ULK4: variants seen among roughly 807,000 people sequenced by gnomAD.
ULK4 encodes the protein unc-51 like kinase 4, also known as inactive serine/threonine-protein kinase ULK4.
ULK4 carries 133 observed loss-of-function variants against 160.6 expected under a neutral mutation model. That is an observed-to-expected ratio of 0.83 (90% confidence interval 0.72 to 0.96). The LOEUF is 0.96. Among genes scored for constraint, ULK4 ranks in the 40% least tolerant of loss-of-function variants. ULK4 has a pLI of 0.00. For missense variants in ULK4, 1,580 were observed against 1,499.5 expected, an observed-to-expected ratio of 1.05 and a Z score of -0.89; for synonymous variants, 534 against 539.8, an observed-to-expected ratio of 0.99 and a Z score of 0.15.
In ULK4 at chr3:41,330,561, C is replaced by T. The variant is rs73831317; in HGVS notation, c.3678+67518G>A. Among the ~76,000 whole-genome samples, 834 of 152,292 alleles carry T rather than the reference C, an allele frequency of 5.5e-3. 13 individuals carry two copies. Among genetic ancestry groups the T allele is most frequent in the African/African-American group, 0.019 (792 of 41,566 alleles). On this transcript the variant is annotated intron_variant, in intron 35 of 36. Transcript: ENST00000301831. Reference sequence around the variant, plus strand: ...TGACGCTGTAAGAAGCTGTACATCACCCTGGTGAGGGGTGACTGGTTAGTC... The same window carrying T: ...TGACGCTGTAAGAAGCTGTACATCATCCTGGTGAGGGGTGACTGGTTAGTC...
chr3:41,825,325 G>A (rs1023612400), intron 18 of ULK4, among the ~76,000 whole-genome samples: 18 of 152,322 alleles, frequency 1.2e-4, no homozygotes, highest in African/African-American at 3.4e-4. Context: ...TGCCTTTGAC[G>A]AGTTGAGAGA....
At chr3:41,714,963 A>T (rs2125841788) in intron 25 of ULK4, among the ~76,000 whole-genome samples, 1 of 152,106 alleles carries the variant, frequency 6.6e-6, no homozygotes, top group East Asian at 1.9e-4. Flanking sequence ...TTTTTTCATG[A>T]TGTTTAATAC....
intron 31 of ULK4, among the ~76,000 whole-genome samples, chr3:41,568,112 A>C (rs567461934): frequency 6.6e-6 from 1 of 152,236 alleles, no homozygotes; most frequent in Non-Finnish European, 1.5e-5. Flanking sequence ...CTAAGTGCCA[A>C]CTATTCCAGG....
At chr3:41,648,150 G>A (rs530420094) in intron 30 of ULK4, among the ~76,000 whole-genome samples, 22 of 152,284 alleles carry the variant, frequency 1.4e-4, no homozygotes, top group East Asian at 3.9e-4. Flanking sequence ...TGCGCTTCCC[G>A]AGTGAGGCAA....
At chr3:41,881,736 C>A (rs964599841) in intron 17 of ULK4, among the ~76,000 whole-genome samples, 1 of 151,932 alleles carries the variant, frequency 6.6e-6, no homozygotes, top group Non-Finnish European at 1.5e-5. Flanking sequence ...TCTTGCATTT[C>A]GAACTAATAA....
chr3:41,865,453 G>GT, intron 17 of ULK4, among the ~76,000 whole-genome samples: 1 of 151,882 alleles, frequency 6.6e-6, no homozygotes, highest in Non-Finnish European at 1.5e-5. Flanking sequence ...TTCAACTTAT[G>GT]TAACTCAAAA....
intron 19 of ULK4, among the ~76,000 whole-genome samples, chr3:41,815,542 T>C (rs763949842): frequency 6.6e-6 from 1 of 152,232 alleles, no homozygotes; most frequent in Non-Finnish European, 1.5e-5. Flanking sequence ...GGCAATACTC[T>C]GTAAATCAAG....
chr3:41,483,835 C>T (rs2084412172), intron 32 of ULK4, among the ~76,000 whole-genome samples: 3 of 152,096 alleles, frequency 2.0e-5, no homozygotes, highest in Admixed American at 6.6e-5. Context: ...GGCAGGAGAC[C>T]AGGCTGAATA....
In ULK4 at chr3:41,705,381, C is replaced by G. The variant is rs1575588968; in HGVS notation, c.2635-76G>C. 12 of 1,142,862 alleles carry G rather than the reference C, an allele frequency of 1.0e-5. No homozygotes were observed. In the East Asian group the frequency reaches 2.8e-4, roughly 27 times the overall value. The allele number at this position is 1,142,862 out of a possible 1,614,324, so 70.8% of individuals were successfully genotyped here. A position where few individuals can be genotyped will look rare whatever the true frequency, so the allele number is the denominator to read the frequency against. On this transcript the variant is annotated intron_variant, in intron 25 of 36. Transcript: ENST00000301831. ...TAAAATATAGGTAGTTTACATTTTGCCCAAAACTGTACCTATTGTTTTTAA... is the reference window on the plus strand; with the variant it reads ...TAAAATATAGGTAGTTTACATTTTGGCCAAAACTGTACCTATTGTTTTTAA...
chr3:41,825,328 T>C (rs981986524), intron 18 of ULK4, among the ~76,000 whole-genome samples: 9 of 151,944 alleles, frequency 5.9e-5, no homozygotes, highest in South Asian at 2.1e-4. Context: ...CTTTGACGAG[T>C]TGAGAGAAGA....
intron 35 of ULK4, among the ~76,000 whole-genome samples, chr3:41,383,376 G>A (rs1272503519): frequency 2.6e-5 from 4 of 152,146 alleles, no homozygotes; most frequent in Non-Finnish European, 5.9e-5. Flanking sequence ...TAGGATTACA[G>A]GCATGAGCCA....
chr3:41,680,166 T>G (rs1575562611), intron 29 of ULK4, among the ~76,000 whole-genome samples: 1 of 152,206 alleles, frequency 6.6e-6, no homozygotes, highest in Non-Finnish European at 1.5e-5. Context: ...TAATCTTTTA[T>G]TGAATTCACA....
intron 34 of ULK4, among the ~76,000 whole-genome samples, chr3:41,413,004 G>C (rs1255333770): frequency 1.3e-5 from 2 of 152,170 alleles, no homozygotes; most frequent in Non-Finnish European, 2.9e-5. Flanking sequence ...ACACATACCA[G>C]AGATTGGGTA....
At chr3:41,864,003 T>G (rs535554769) in intron 17 of ULK4, among the ~76,000 whole-genome samples, 1 of 152,184 alleles carries the variant, frequency 6.6e-6, no homozygotes, top group Non-Finnish European at 1.5e-5. Context: ...TGGGCCTAAT[T>G]CAGCACTAAG....
In ULK4 at chr3:41,604,535, A is replaced by G. The variant is rs118163645; in HGVS notation, c.3120+11134T>C. On this transcript the variant is annotated intron_variant, in intron 31 of 36. Coordinates refer to ENST00000301831, the MANE Select transcript of ULK4 (RefSeq NM_017886.4). ...AAAAGATACATAACATTCATGAGTC[A>G]TTAAACATACATGAAATATCTGGGC... is the stretch of plus-strand genomic sequence containing the variant. 3.7e-4 allele frequency among the ~76,000 whole-genome samples: 57 copies of G among 152,310 alleles called. 1 individual carries two copies. The highest frequency in any genetic ancestry group is 3.2e-4 in the Non-Finnish European group (22 of 67,996).
chr3:41,521,416 T>C (rs531152826), intron 32 of ULK4, among the ~76,000 whole-genome samples: 5 of 152,186 alleles, frequency 3.3e-5, no homozygotes, highest in Admixed American at 6.6e-5. Flanking sequence ...TCATTTTGTC[T>C]AGACAGATAT....
chr3:41,308,981 T>C (rs2079998594), intron 35 of ULK4, among the ~76,000 whole-genome samples: 1 of 152,162 alleles, frequency 6.6e-6, no homozygotes, highest in Admixed American at 6.5e-5. Flanking sequence ...AAACAGCAGC[T>C]TTATTGCTTT....
chr3:41,866,550 C>T (rs1282948878), intron 17 of ULK4, among the ~76,000 whole-genome samples: 1 of 152,334 alleles, frequency 6.6e-6, no homozygotes, highest in Non-Finnish European at 1.5e-5. Context: ...GCTGATCTGA[C>T]AGGAGGCAGA....
At chr3:41,618,261 G>C (rs1219748447) in intron 30 of ULK4, among the ~76,000 whole-genome samples, 2 of 152,004 alleles carry the variant, frequency 1.3e-5, no homozygotes, top group Non-Finnish European at 2.9e-5. Context: ...TCAAATTCAG[G>C]AACTACAGAG....
Sources: gnomAD v4.1 joint callset for allele counts (sites outside exome capture counted in the v4.1 genomes callset) on GRCh38, gnomAD v4.1.1 for gene constraint, MANE v1.5 for transcripts, NCBI Gene and HGNC (gene_info 2026-07-23, HGNC 2026-07-21) for gene names.